The following STXBP5L variants were observed in gnomAD, a reference collection of about 807,000 sequenced individuals.
STXBP5L encodes the protein syntaxin-binding protein 5-like.
STXBP5L carries 65 observed loss-of-function variants against 144.5 expected under a neutral mutation model. The observed-to-expected ratio is 0.45, with a 90% CI of 0.37 to 0.55. The LOEUF (loss-of-function observed/expected upper bound fraction) is 0.55. STXBP5L is among the 20% of genes least tolerant of loss of function. The pLI, the probability that STXBP5L is intolerant of heterozygous loss-of-function variation, is 0.00. For synonymous variants in STXBP5L, 505 were observed against 469.6 expected (o/e 1.08, Z -0.97); for missense variants, 1,298 against 1,405.5 (o/e 0.92, Z 1.22).
chr3:120,969,954 T>A (rs779508256), intron 3 of STXBP5L, among the ~76,000 whole-genome samples: 1 of 152,210 alleles, frequency 6.6e-6, no homozygotes, highest in African/African-American at 2.4e-5. Context: ...TTTTAGTCTA[T>A]TACAGGTTTT....
chr3:121,023,016 A>G (rs1445792471), intron 3 of STXBP5L, among the ~76,000 whole-genome samples: 1 of 152,038 alleles, frequency 6.6e-6, no homozygotes, highest in African/African-American at 2.4e-5. Context: ...GACTCATCTA[A>G]AAAGCTCCTA....
In STXBP5L at chr3:121,378,709, G is replaced by T. The variant is rs1161902638; in HGVS notation, c.2177-7G>T. ...ATATGTATGCTGCCTTCCTCCTCTT[G>T]GCACAGACCATGTAAATGGACACTG... is the stretch of plus-strand genomic sequence containing the variant. On this transcript the variant is annotated splice_polypyrimidine_tract_variant and splice_region_variant and intron_variant, in intron 20 of 26. Coordinates refer to ENST00000471454, the MANE Select transcript of STXBP5L (RefSeq NM_001308330.2). 3 of 1,612,496 alleles carry T rather than the reference G, an allele frequency of 1.9e-6. No homozygotes were observed. The highest frequency in any genetic ancestry group is 2.5e-6 in the Non-Finnish European group (3 of 1,179,290).
intron 22 of STXBP5L, among the ~76,000 whole-genome samples, chr3:121,391,831 G>A (rs2046594459): frequency 6.6e-6 from 1 of 152,306 alleles, no homozygotes; most frequent in Non-Finnish European, 1.5e-5. Context: ...CCTACTGGGA[G>A]GTGTCTTCCA....
intron 9 of STXBP5L, among the ~76,000 whole-genome samples, chr3:121,168,574 T>C (rs9827406): frequency 0.51 from 77,947 of 151,872 alleles, 20,473 homozygotes; most frequent in Admixed American, 0.6. Context: ...ACTGATCAAG[T>C]GTAAGACAGG....
intron 20 of STXBP5L, among the ~76,000 whole-genome samples, chr3:121,361,370 A>G (rs960374218): frequency 6.6e-6 from 1 of 152,092 alleles, no homozygotes; most frequent in East Asian, 1.9e-4. Flanking sequence ...ATTCCTTTGA[A>G]TAAAACTTCT....
At chr3:120,924,054 G>A (rs976563553) in intron 2 of STXBP5L, among the ~76,000 whole-genome samples, 2 of 151,968 alleles carry the variant, frequency 1.3e-5, no homozygotes, top group African/African-American at 4.8e-5. Context: ...TTTCTCCTAC[G>A]TCCCTATCTT....
intron 3 of STXBP5L, among the ~76,000 whole-genome samples, chr3:121,026,412 A>G (rs1355454930): frequency 6.6e-6 from 1 of 152,100 alleles, no homozygotes; most frequent in Non-Finnish European, 1.5e-5. Flanking sequence ...TATTTTCATT[A>G]TAACACATCA....
chr3:121,017,717 A>T (rs1019158551), intron 3 of STXBP5L, among the ~76,000 whole-genome samples: 1 of 152,210 alleles, frequency 6.6e-6, no homozygotes, highest in Non-Finnish European at 1.5e-5. Flanking sequence ...AAATGTAACA[A>T]AATACATGTA....
At chr3:121,324,539 T>C (rs2044081710) in intron 20 of STXBP5L, 4 of 699,332 alleles carry the variant, frequency 5.7e-6, no homozygotes, top group Admixed American at 4.1e-5. Context: ...TTTATAGGAA[T>C]GAAATATCAG....
chr3:121,419,393 G>A lies in STXBP5L; in HGVS notation c.*296G>A, dbSNP rs2047312857. 7.9e-6 allele frequency: 2 copies of A among 252,160 alleles called. No homozygotes were observed. The highest frequency in any genetic ancestry group is 1.5e-4 in the East Asian group (2 of 13,406). The allele number at this position is 252,160 out of a possible 1,614,324, so 15.6% of individuals were successfully genotyped here. On this transcript the variant is annotated 3_prime_UTR_variant, in exon 27 of 27. Coordinates refer to ENST00000471454, the MANE Select transcript of STXBP5L (RefSeq NM_001308330.2). Reference sequence around the variant, plus strand: ...TTTAGTAACTACGGGGAGTCCTCTTGATTTGAAAATTCCTGTACAAACAAA... The same window carrying A: ...TTTAGTAACTACGGGGAGTCCTCTTAATTTGAAAATTCCTGTACAAACAAA...
intron 3 of STXBP5L, among the ~76,000 whole-genome samples, chr3:121,024,568 T>A (rs1049742231): frequency 6.6e-6 from 1 of 152,196 alleles, no homozygotes; most frequent in Admixed American, 6.6e-5. Context: ...TCTAAACATC[T>A]CTTGGGTTTC....
intron 20 of STXBP5L, among the ~76,000 whole-genome samples, chr3:121,331,277 G>A (rs190704061): frequency 2.0e-5 from 3 of 152,300 alleles, no homozygotes; most frequent in Middle Eastern, 3.4e-3. Flanking sequence ...CAGCCCGGGT[G>A]CTCATGAAAG....
intron 3 of STXBP5L, among the ~76,000 whole-genome samples, chr3:120,977,149 A>T (rs1374048629): frequency 6.6e-6 from 1 of 152,180 alleles, no homozygotes; most frequent in Non-Finnish European, 1.5e-5. Flanking sequence ...GTGGGGTGTT[A>T]AAGTCTCCCA....
intron 5 of STXBP5L, among the ~76,000 whole-genome samples, chr3:121,107,970 T>C (rs1023752347): frequency 6.6e-6 from 1 of 152,166 alleles, no homozygotes; most frequent in Non-Finnish European, 1.5e-5. Flanking sequence ...ATTCTCTTTG[T>C]AGCAATTGTG....
intron 7 of STXBP5L, among the ~76,000 whole-genome samples, chr3:121,124,435 G>A (rs890157284): frequency 6.6e-6 from 1 of 151,708 alleles, no homozygotes; most frequent in Non-Finnish European, 1.5e-5. Flanking sequence ...CTATAAATAT[G>A]TTTACTTTGG....
chr3:121,096,389 A>G (rs533885526), intron 5 of STXBP5L, among the ~76,000 whole-genome samples: 2 of 152,234 alleles, frequency 1.3e-5, no homozygotes, highest in Admixed American at 1.3e-4. Flanking sequence ...ATCTAGTTTT[A>G]TTCTGTTGCT....
At chr3:121,143,653 C>T (rs2045598947) in intron 7 of STXBP5L, among the ~76,000 whole-genome samples, 1 of 151,758 alleles carries the variant, frequency 6.6e-6, no homozygotes, top group Non-Finnish European at 1.5e-5. Context: ...ATAATCCATA[C>T]ATATGTGGTC....
At chr3:121,349,786 C>CT (rs778064998) in intron 20 of STXBP5L, among the ~76,000 whole-genome samples, 11 of 151,660 alleles carry the variant, frequency 7.3e-5, no homozygotes, top group Middle Eastern at 3.4e-3. Context: ...CAACCCCTGC[C>CT]TTTTTTTTGT....
intron 3 of STXBP5L, among the ~76,000 whole-genome samples, chr3:121,039,581 C>T (rs1947000838): frequency 6.6e-6 from 1 of 151,382 alleles, no homozygotes; most frequent in African/African-American, 2.4e-5. Context: ...TATCATTTCC[C>T]TTTTGCCTGA....
Sources: allele counts gnomAD v4.1 joint callset (sites outside exome capture counted in the v4.1 genomes callset), GRCh38; gene constraint gnomAD v4.1.1; transcripts MANE v1.5; gene names NCBI Gene and HGNC (gene_info 2026-07-23, HGNC 2026-07-21).